Variants in VPS13C observed in about 807,000 individuals in gnomAD.
The protein encoded by VPS13C is vacuolar protein sorting 13 homolog C.
In VPS13C, 358 loss-of-function variants were observed where a neutral mutation model predicts 456.8. That is an observed-to-expected ratio of 0.78 (90% CI 0.72 to 0.86). VPS13C has a LOEUF of 0.86. Ranked by LOEUF, VPS13C falls within the 40% of genes least tolerant of loss-of-function variation. The probability of loss-of-function intolerance (pLI) is 0.00; values close to 1 mark genes in which losing one functional copy is unlikely to be tolerated. For missense variants in VPS13C, 4,818 were observed against 4,385.4 expected (o/e 1.10, Z -2.79); for synonymous variants, 1,578 against 1,486.7 (o/e 1.06, Z -1.41).
At chr15:61,915,030 A>G (rs961969448) in intron 61 of VPS13C, among the ~76,000 whole-genome samples, 3 of 152,042 alleles carry the variant, frequency 2.0e-5, no homozygotes, top group Admixed American at 6.5e-5. Context: ...ATCAGGCTTG[A>G]GCAGAATGCC....
At chr15:62,000,811 A>C (rs948494943) in intron 15 of VPS13C, among the ~76,000 whole-genome samples, 185 bp from the exon 16 acceptor site, 3 of 152,154 alleles carry the variant, frequency 2.0e-5, no homozygotes, top group African/African-American at 4.8e-5. Flanking sequence ...AGAGAAAATA[A>C]GTTTTCTAAG....
At chr15:61,977,929 T>C (rs1484474764) in intron 23 of VPS13C, among the ~76,000 whole-genome samples, 1 of 152,048 alleles carries the variant, frequency 6.6e-6, no homozygotes, top group Admixed American at 6.6e-5. Flanking sequence ...TCAACACTCC[T>C]ACTAGAGTAT....
At chr15:62,028,493 A>T in intron 5 of VPS13C, 73 bp from the exon 6 acceptor site, 1 of 1,410,110 alleles carries the variant, frequency 7.1e-7, no homozygotes, top group Non-Finnish European at 1.0e-6. Flanking sequence ...CATGTAAAAT[A>T]TACCTAAATT....
chr15:61,927,455 GTTAA>G lies in VPS13C; in HGVS notation c.6287-139_6287-136del, dbSNP rs549926495. 809 of 653,134 alleles carry G rather than the reference GTTAA, an allele frequency of 1.2e-3. 6 individuals carry two copies. The highest frequency in any genetic ancestry group is 0.012 in the African/African-American group (671 of 54,736). 40.5% of individuals were successfully genotyped at this position (653,134 alleles called of 1,614,324 possible). On this transcript the variant is annotated intron_variant, in intron 51 of 84. Transcript: ENST00000644861. The stretch of plus-strand genomic sequence containing the variant: ...ATGGTGAAACTGACAATATTAATTG[GTTAA>G]TTAATACTAATTATTAAATGATTAT...
chr15:61,961,844 G>T lies in VPS13C; in HGVS notation c.3653C>A (p.Thr1218Asn). Residue 1218 changes from threonine to asparagine, a missense_variant, in exon 35 of 85, where the codon ACT becomes AAT. This residue lies in a region of VPS13C where 4,552 missense variants were observed against 4,130.6 expected (regional missense o/e 1.10). Transcript: ENST00000644861. Reference protein sequence around the residue: ...QTAKESLSAATAQAAERAATS... With the variant: ...QTAKESLSAANAQAAERAATS... ...GGCAGCCCTTTCTGCAGCCTGGGCA[G>T]TGGCAGCACTCAGAGACTCTTTGGC... The T allele has an allele frequency of 6.2e-7, 1 of 1,613,958 alleles. No individual in the cohort carries two copies. The highest frequency in any genetic ancestry group is 8.5e-7 in the Non-Finnish European group (1 of 1,179,938).
At chr15:61,859,144 G>A (rs1375670106) in intron 82 of VPS13C, among the ~76,000 whole-genome samples, 1 of 152,094 alleles carries the variant, frequency 6.6e-6, no homozygotes, top group Non-Finnish European at 1.5e-5. Flanking sequence ...GCCAAGGTGG[G>A]AGGACTGCTT....
chr15:61,954,480 C>T lies in VPS13C; in HGVS notation c.4240G>A (p.Val1414Met). 6.2e-7 allele frequency: 1 copy of T among 1,609,920 alleles called. No individual in the cohort carries two copies. The highest frequency in any genetic ancestry group is 8.5e-7 in the Non-Finnish European group (1 of 1,178,284). ...ATGTCTACAGACCTAATTTCTTCCACTCCAGTTGTTAAAGTATTTTTTGAA... is the reference window on the plus strand; with the variant it reads ...ATGTCTACAGACCTAATTTCTTCCATTCCAGTTGTTAAAGTATTTTTTGAA... ...HDSKNTLTTG[V>M]EEIRSVDIIN... The change falls in exon 38 of 85, where the codon GTG becomes ATG. Residue 1414 changes from valine (V) to methionine (M), a missense_variant. Val to Met is a conservative substitution (Grantham distance 21, BLOSUM62 1). Around this residue, in one of 3 missense-constraint regions of VPS13C, gnomAD observed 4,552 missense variants for 4,130.6 expected, o/e 1.10. Transcript: ENST00000644861.
At position 61,915,700 on chromosome 15, in the gene VPS13C, T is replaced by G. The variant is rs1180126430; in HGVS notation, c.8378A>C (p.His2793Pro). The change falls in exon 61 of 85, where the codon CAT becomes CCT. Residue 2793 changes from histidine to proline, a missense_variant. His to Pro is a moderately conservative substitution (Grantham distance 77). Coordinates refer to ENST00000644861, the MANE Select transcript of VPS13C (RefSeq NM_020821.3). Reference protein sequence around the residue: ...QYRSEDIHVKHPADFRDIILF... With the variant: ...QYRSEDIHVKPPADFRDIILF... ...AATAATATCCCTGAAATCAGCTGGA[T>G]GTTTCACATGAATATCTTCTGAACG... 1 of 1,611,626 alleles carries G rather than the reference T, an allele frequency of 6.2e-7. No individual in the cohort carries two copies. The highest frequency in any genetic ancestry group is 1.1e-5 in the South Asian group (1 of 89,882).
chr15:62,015,692 C>T (rs1215619824), intron 9 of VPS13C, among the ~76,000 whole-genome samples: 3 of 133,640 alleles, frequency 2.2e-5, no homozygotes, highest in African/African-American at 2.9e-5. Flanking sequence ...AACCAAACAC[C>T]GCATATTCTC....
chr15:62,000,705 A>G (rs1178289919), intron 15 of VPS13C, 79 bp from the exon 16 acceptor site: 2 of 1,167,692 alleles, frequency 1.7e-6, no homozygotes, highest in Non-Finnish European at 2.4e-6. Context: ...ATTTCTAGGC[A>G]TATCTAGTCC....
chr15:61,981,895 A>G (rs2045900513), intron 21 of VPS13C, among the ~76,000 whole-genome samples: 1 of 152,132 alleles, frequency 6.6e-6, no homozygotes, highest in African/African-American at 2.4e-5. Context: ...ATAAAAAAAA[A>G]AGAAAAGTAT....
At chr15:62,004,607 G>A (rs1465130749) in intron 15 of VPS13C, among the ~76,000 whole-genome samples, 1 of 151,326 alleles carries the variant, frequency 6.6e-6, no homozygotes, top group Non-Finnish European at 1.5e-5. Flanking sequence ...TTTTAATTGT[G>A]ATGTTAGGGT....
intron 51 of VPS13C, among the ~76,000 whole-genome samples, chr15:61,928,650 C>T (rs1021483229): frequency 6.6e-6 from 1 of 152,010 alleles, no homozygotes. Context: ...GAGGCAGAGG[C>T]GGGCGGATTG....
chr15:61,864,380 T>C, intron 81 of VPS13C: 2 of 903,506 alleles, frequency 2.2e-6, no homozygotes, highest in Non-Finnish European at 2.6e-6. Flanking sequence ...TAGTCAAATA[T>C]TAAAAACGAG....
chr15:61,991,732 C>T lies in VPS13C; in HGVS notation c.1424G>A (p.Ser475Asn). 6.2e-7 allele frequency: 1 copy of T among 1,613,680 alleles called. No individual in the cohort carries two copies. The highest frequency in any genetic ancestry group is 8.5e-7 in the Non-Finnish European group (1 of 1,179,782). ...AGACTCTTTCTTACCCCACAACCCA[C>T]TAAACCAGCCTCCACGTTTCTCGCC... ...DTGEKRGGWF[S>N]GLWGKKESKK... The change falls in exon 17 of 85, where the codon AGT (serine) becomes AAT (asparagine). Residue 475 changes from serine to asparagine, a missense_variant. Coordinates refer to ENST00000644861, the MANE Select transcript of VPS13C (RefSeq NM_020821.3).
intron 75 of VPS13C, among the ~76,000 whole-genome samples, chr15:61,876,237 A>C (rs1327557452): frequency 6.6e-6 from 1 of 152,016 alleles, no homozygotes; most frequent in Non-Finnish European, 1.5e-5. Flanking sequence ...GTTAATGACC[A>C]GTCTGGGCAA....
chr15:61,919,351 C>G lies in VPS13C; in HGVS notation c.7576G>C (p.Val2526Leu), dbSNP rs773893015. 1 of 1,605,976 alleles carries G rather than the reference C, an allele frequency of 6.2e-7. No individual in the cohort carries two copies. Among genetic ancestry groups the G allele is most frequent in the East Asian group, 2.3e-5 (1 of 44,222 alleles). Residue 2526 changes from valine (V) to leucine (L), a missense_variant, in exon 58 of 85, where the codon GTC becomes CTC. By Grantham distance (32) the Val-to-Leu change is conservative. This residue lies in a region of VPS13C where 4,552 missense variants were observed against 4,130.6 expected (regional missense o/e 1.10). Coordinates refer to ENST00000644861, the MANE Select transcript of VPS13C (RefSeq NM_020821.3). ...TCAGTTGCATCAATTTGTACCAAGACAGAGTCAGAATGACTGGCATTGGGA... is the reference window on the plus strand; with the variant it reads ...TCAGTTGCATCAATTTGTACCAAGAGAGAGTCAGAATGACTGGCATTGGGA... ...RNPNASHSDS[V>L]LVQIDATEGN...
At position 61,986,843 on chromosome 15, in the gene VPS13C, A is replaced by C. The variant is rs1855531979; in HGVS notation, c.1579-1844T>G. Among the ~76,000 whole-genome samples the C allele has an allele frequency of 1.3e-5, 2 of 152,118 alleles. 1 individual carries two copies. Among genetic ancestry groups the C allele is most frequent in the South Asian group, 4.1e-4 (2 of 4,820 alleles). On this transcript the variant is annotated intron_variant, in intron 18 of 84. Coordinates refer to ENST00000644861, the MANE Select transcript of VPS13C (RefSeq NM_020821.3). Reference sequence around the variant, plus strand: ...ACAACAATGAAATTATACCTTCAAAACTCAGAAAATCATTAACAACCTAGA... The same window carrying C: ...ACAACAATGAAATTATACCTTCAAACCTCAGAAAATCATTAACAACCTAGA...
intron 66 of VPS13C, among the ~76,000 whole-genome samples, chr15:61,902,383 T>G (rs1002620379): frequency 1.3e-5 from 2 of 151,500 alleles, no homozygotes; most frequent in Admixed American, 1.3e-4. Context: ...TCTAAACTCA[T>G]TTTACAAAGG....
Sources: gnomAD v4.1 joint callset for allele counts (sites outside exome capture counted in the v4.1 genomes callset) on GRCh38, gnomAD v4.1.1 for gene constraint, gnomAD v4.1.1 regional missense constraint, MANE v1.5 for transcripts, NCBI Gene and HGNC (gene_info 2026-07-23, HGNC 2026-07-21) for gene names.